Variants in KISS1 observed in about 807,000 individuals in gnomAD.
KISS1 encodes the protein KiSS-1 metastasis suppressor, also known as metastasis-suppressor KiSS-1.
For synonymous variants in KISS1, 97 were observed against 88.7 expected (o/e 1.09, Z -0.52); for missense variants, 182 against 182.7 (o/e 1.00, Z 0.02).
intron 1 of KISS1, among the ~76,000 whole-genome samples, chr1:204,195,216 C>CACCACACACATACACGCAT (rs1558254578): frequency 1.2e-4 from 1 of 8,322 alleles, no homozygotes; most frequent in Non-Finnish European, 2.6e-4. Flanking sequence ...TATATACGCA[C>CACCACACACATACACGCAT]ACACCCATAC....
rs540653478 is a variant in KISS1, at chr1:204,190,411, C to G, written c.*73G>C. The G allele has an allele frequency of 4.1e-3, 2,219 of 537,206 alleles. 165 individuals carry two copies. In the African/African-American group the frequency reaches 0.057, roughly 14 times the overall value. 33.3% of individuals were successfully genotyped at this position (537,206 alleles called of 1,614,324 possible). A position where few individuals can be genotyped will look rare whatever the true frequency, so the allele number is the denominator to read the frequency against. On this transcript the variant is annotated 3_prime_UTR_variant, in exon 3 of 3. Coordinates refer to ENST00000367194, the MANE Select transcript of KISS1 (RefSeq NM_002256.4). ...GCGCCCCCTCCCTTAGCCCTACGTC[C>G]CCGCCCCCCGCCCCCGCCCCGCATG...
In KISS1 at chr1:204,190,409, T is replaced by TGCCCCCCCCC; in HGVS notation, c.*74_*75insGGGGGGGGGC. 9.1e-5 allele frequency: 52 copies of TGCCCCCCCCC among 570,012 alleles called. No homozygotes were observed. Among genetic ancestry groups the TGCCCCCCCCC allele is most frequent in the East Asian group, 3.0e-4 (8 of 26,772 alleles). The allele number at this position is 570,012 out of a possible 1,614,324, so 35.3% of individuals were successfully genotyped here. ...CAGCGCCCCCTCCCTTAGCCCTACGTCCCCGCCCCCCGCCCCCGCCCCGCA... is the reference window on the plus strand; with the variant it reads ...CAGCGCCCCCTCCCTTAGCCCTACGTGCCCCCCCCCCCCCGCCCCCCGCCCCCGCCCCGCA... On this transcript the variant is annotated 3_prime_UTR_variant, in exon 3 of 3. Coordinates refer to ENST00000367194, the MANE Select transcript of KISS1 (RefSeq NM_002256.4).
In KISS1 at chr1:204,190,452, G is replaced by A. The variant is rs1481073673; in HGVS notation, c.*32C>T. Reference sequence around the variant, plus strand: ...GCCCCGCATGCTCTGACTCCTTTGGGGTCTGAAGTTCACTGCCCCGCACCT... The same window carrying A: ...GCCCCGCATGCTCTGACTCCTTTGGAGTCTGAAGTTCACTGCCCCGCACCT... On this transcript the variant is annotated 3_prime_UTR_variant, in exon 3 of 3. Coordinates refer to ENST00000367194, the MANE Select transcript of KISS1 (RefSeq NM_002256.4). The A allele has an allele frequency of 2.0e-6, 3 of 1,516,292 alleles. No individual in the cohort carries two copies. Among genetic ancestry groups the A allele is most frequent in the African/African-American group, 1.4e-5 (1 of 70,430 alleles). 93.9% of individuals were successfully genotyped at this position (1,516,292 alleles called of 1,614,324 possible).
At chr1:204,193,555 A>G (rs571178596) in intron 1 of KISS1, among the ~76,000 whole-genome samples, 1 of 152,284 alleles carries the variant, frequency 6.6e-6, no homozygotes, top group African/African-American at 2.4e-5. Flanking sequence ...GAAAGAGGCA[A>G]TCATCTTGCT....
At chr1:204,191,047 C>T (rs543099967) in intron 2 of KISS1, among the ~76,000 whole-genome samples, 17 of 152,280 alleles carry the variant, frequency 1.1e-4, no homozygotes, top group Admixed American at 1.0e-3. Flanking sequence ...TACGTTACTT[C>T]CTTTTAGGAA....
chr1:204,195,392 A>G (rs1658836054), intron 1 of KISS1, among the ~76,000 whole-genome samples: 1 of 149,062 alleles, frequency 6.7e-6, no homozygotes, highest in Non-Finnish European at 1.5e-5. Context: ...CACATCATGC[A>G]CACACACCAC....
At chr1:204,195,715 TCACACACACACACA>T (rs36226771) in intron 1 of KISS1, among the ~76,000 whole-genome samples, 74 of 144,936 alleles carry the variant, frequency 5.1e-4, no homozygotes, top group Admixed American at 8.8e-4. Context: ...TACACACATA[TCACACACACACACA>T]CACACACACA....
rs745554687 is a variant in KISS1, at chr1:204,192,707, T to C, written c.103+67A>G. 3.8e-5 allele frequency: 36 copies of C among 953,014 alleles called. No homozygotes were observed. Among genetic ancestry groups the C allele is most frequent in the Non-Finnish European group, 5.7e-5 (34 of 599,214 alleles). 59.0% of individuals were successfully genotyped at this position (953,014 alleles called of 1,614,324 possible). On this transcript the variant is annotated intron_variant, in intron 2 of 2. Transcript: ENST00000367194. This position sits in a 1 kb window ranked among gnomAD's most constrained non-coding sequence, Gnocchi z 4.2. ...TCACACCAGTCGACTAGATGGAAAA[T>C]ACGGGAAAGCTCATTTTGCAACAAC...
Position 204,192,893 on chromosome 1 carries a change from A to ATCTT in KISS1, c.-18_-17insAAGA. 6.6e-7 allele frequency: 1 copy of ATCTT among 1,524,466 alleles called. No individual in the cohort carries two copies. The highest frequency in any genetic ancestry group is 9.0e-7 in the Non-Finnish European group (1 of 1,113,490). The allele number at this position is 1,524,466 out of a possible 1,614,324, so 94.4% of individuals were successfully genotyped here. A position where few individuals can be genotyped will look rare whatever the true frequency, so the allele number is the denominator to read the frequency against. ...TGAGTTCATCTTGGTGAGAAGAGGC[A>ATCTT]GGTCCTAGAAGTGCCTTGAGGCTGA... On this transcript the variant is annotated 5_prime_UTR_variant, in exon 2 of 3. It adds an upstream start codon to the 5' untranslated region. Transcript: ENST00000367194. This position sits in a 1 kb window ranked among gnomAD's most constrained non-coding sequence, Gnocchi z 4.2.
Position 204,192,633 on chromosome 1 carries a change from G to A in KISS1, c.103+141C>T, listed in dbSNP as rs892610106. On this transcript the variant is annotated intron_variant, in intron 2 of 2. Coordinates refer to ENST00000367194, the MANE Select transcript of KISS1 (RefSeq NM_002256.4). The surrounding 1 kb of genome is among the most constrained non-coding windows in gnomAD (Gnocchi z 4.2). Reference sequence around the variant, plus strand: ...GCAGGGTTAACAGGACCCCCTCAATGAGTTGCATGTGTGCCAGTCTTAGAT... The same window carrying A: ...GCAGGGTTAACAGGACCCCCTCAATAAGTTGCATGTGTGCCAGTCTTAGAT... 3 of 683,948 alleles carry A rather than the reference G, an allele frequency of 4.4e-6. No individual in the cohort carries two copies. The highest frequency in any genetic ancestry group is 5.4e-6 in the Non-Finnish European group (2 of 371,018). The allele number at this position is 683,948 out of a possible 1,614,324, so 42.4% of individuals were successfully genotyped here. A position where few individuals can be genotyped will look rare whatever the true frequency, so the allele number is the denominator to read the frequency against.
chr1:204,195,726 C>T (rs1211826973), intron 1 of KISS1, among the ~76,000 whole-genome samples: 2 of 142,436 alleles, frequency 1.4e-5, no homozygotes, highest in Non-Finnish European at 3.1e-5. Flanking sequence ...CACACACACA[C>T]ACACACACAC....
intron 1 of KISS1, among the ~76,000 whole-genome samples, chr1:204,195,265 C>CGCATACACCCATACACACACATCAT (rs1658826711): frequency 3.1e-5 from 1 of 32,276 alleles, no homozygotes; most frequent in African/African-American, 1.2e-4. Context: ...ACATCATACA[C>CGCATACACCCATACACACACATCAT]ACACACATAC....
chr1:204,190,418 C>A lies in KISS1; in HGVS notation c.*66G>T, dbSNP rs1352237902. The A allele has an allele frequency of 2.9e-6, 2 of 692,626 alleles. No homozygotes were observed. Among genetic ancestry groups the A allele is most frequent in the Middle Eastern group, 4.1e-4 (1 of 2,460 alleles). 42.9% of individuals were successfully genotyped at this position (692,626 alleles called of 1,614,324 possible). A position where few individuals can be genotyped will look rare whatever the true frequency, so the allele number is the denominator to read the frequency against. ...CTCCCTTAGCCCTACGTCCCCGCCCCCCGCCCCCGCCCCGCATGCTCTGAC... is the reference window on the plus strand; with the variant it reads ...CTCCCTTAGCCCTACGTCCCCGCCCACCGCCCCCGCCCCGCATGCTCTGAC... On this transcript the variant is annotated 3_prime_UTR_variant, in exon 3 of 3. Transcript: ENST00000367194.
Position 204,196,194 on chromosome 1 carries a change from G to A in KISS1, c.-39+182C>T, listed in dbSNP as rs549453080. Among the ~76,000 whole-genome samples the A allele has an allele frequency of 3.2e-4, 49 of 152,286 alleles. No individual in the cohort carries two copies. In the South Asian group the frequency reaches 9.8e-3, roughly 30 times the overall value. On this transcript the variant is annotated intron_variant, in intron 1 of 2. Transcript: ENST00000367194. Reference sequence around the variant, plus strand: ...AAATAAAGTGCGACTCAGTGTATTCGCCCAGGCATCCCAGGATAATCTGGC... The same window carrying A: ...AAATAAAGTGCGACTCAGTGTATTCACCCAGGCATCCCAGGATAATCTGGC...
chr1:204,190,409 T>TGCCC lies in KISS1; in HGVS notation c.*74_*75insGGGC, dbSNP rs200451423. The TGCCC allele has an allele frequency of 4.7e-4, 267 of 571,996 alleles. 3 individuals carry two copies. The highest frequency in any genetic ancestry group is 9.7e-4 in the Middle Eastern group (2 of 2,070). 35.4% of individuals were successfully genotyped at this position (571,996 alleles called of 1,614,324 possible). A position where few individuals can be genotyped will look rare whatever the true frequency, so the allele number is the denominator to read the frequency against. On this transcript the variant is annotated 3_prime_UTR_variant, in exon 3 of 3. Coordinates refer to ENST00000367194, the MANE Select transcript of KISS1 (RefSeq NM_002256.4). Reference sequence around the variant, plus strand: ...CAGCGCCCCCTCCCTTAGCCCTACGTCCCCGCCCCCCGCCCCCGCCCCGCA... The same window carrying TGCCC: ...CAGCGCCCCCTCCCTTAGCCCTACGTGCCCCCCCGCCCCCCGCCCCCGCCCCGCA...
At chr1:204,195,538 CAG>C (rs1448872897) in intron 1 of KISS1, among the ~76,000 whole-genome samples, 2 of 150,434 alleles carry the variant, frequency 1.3e-5, no homozygotes, top group Non-Finnish European at 1.5e-5. Flanking sequence ...ACACACCACA[CAG>C]ATATATACCC....
chr1:204,193,396 C>A (rs1009949771), intron 1 of KISS1, among the ~76,000 whole-genome samples: 2 of 152,158 alleles, frequency 1.3e-5, no homozygotes, highest in African/African-American at 4.8e-5. Flanking sequence ...GGGAGCCTGG[C>A]AACAGGCACT....
chr1:204,193,508 G>T (rs373040485), intron 1 of KISS1, among the ~76,000 whole-genome samples: 11 of 152,232 alleles, frequency 7.2e-5, no homozygotes, highest in African/African-American at 2.6e-4. Flanking sequence ...TGCTGTAAGA[G>T]AAACTTATTT....
intron 1 of KISS1, among the ~76,000 whole-genome samples, chr1:204,195,192 A>ACATACACCACACACACCACACACG (rs1558254515): frequency 1.4e-5 from 2 of 144,470 alleles, no homozygotes; most frequent in Non-Finnish European, 1.5e-5. Flanking sequence ...ACATGCACAC[A>ACATACACCACACACACCACACACG]CACACCACAC....
Sources: allele counts gnomAD v4.1 joint callset (sites outside exome capture counted in the v4.1 genomes callset), GRCh38; gene constraint gnomAD v4.1.1; non-coding constraint Gnocchi (gnomAD v3.1); transcripts MANE v1.5; gene names NCBI Gene and HGNC (gene_info 2026-07-23, HGNC 2026-07-21).